The following MYPN variants were observed in gnomAD, a reference collection of about 807,000 sequenced individuals.
MYPN encodes the protein sarcomeric protein myopalladin, 145 kDa (MYOP).
A neutral mutation model predicts 129.4 loss-of-function variants in MYPN; 63 were observed. That is an observed-to-expected ratio of 0.49 (90% CI 0.40 to 0.60). The LOEUF (loss-of-function observed/expected upper bound fraction) is 0.60, where lower values mean the gene tolerates loss of function less well. MYPN is among the 20% of genes least tolerant of loss of function. The pLI, the probability that MYPN is intolerant of heterozygous loss-of-function variation, is 0.00. For synonymous variants in MYPN, 629 were observed against 600.9 expected, an observed-to-expected ratio of 1.05 and a Z score of -0.68; for missense variants, 1,596 against 1,635.4, an observed-to-expected ratio of 0.98 and a Z score of 0.42.
intron 12 of MYPN, among the ~76,000 whole-genome samples, chr10:68,182,408 TATATATAACATATATATAACAC>T (rs1419218314): frequency 0.073 from 6,292 of 86,602 alleles, 667 homozygotes; most frequent in Non-Finnish European, 0.11. Flanking sequence ...ATATAACACA[TATATATAACATATATATAACAC>T]ATATATATAA....
chr10:68,116,402 G>C (rs2042157737), intron 1 of MYPN, among the ~76,000 whole-genome samples: 1 of 152,292 alleles, frequency 6.6e-6, no homozygotes, highest in East Asian at 1.9e-4. Context: ...GACAGATGAG[G>C]TTAACTGAGA....
chr10:68,189,014 C>T lies in MYPN; in HGVS notation c.2813C>T (p.Pro938Leu). ...GATGAAATTCAACATGATGAGATCCCCACGGGCAAGTGTATTGCTCCCATC... is the reference window on the plus strand; with the variant it reads ...GATGAAATTCAACATGATGAGATCCTCACGGGCAAGTGTATTGCTCCCATC... Reference protein sequence around the residue: ...SDDEIQHDEIPTGKCIAPIFD... With the variant: ...SDDEIQHDEILTGKCIAPIFD... Residue 938 changes from proline to leucine, a missense_variant, in exon 13 of 20, where the codon CCC becomes CTC. Coordinates refer to ENST00000358913, the MANE Select transcript of MYPN (RefSeq NM_032578.4). The T allele has an allele frequency of 6.2e-7, 1 of 1,614,040 alleles. No individual in the cohort carries two copies. Among genetic ancestry groups the T allele is most frequent in the South Asian group, 1.1e-5 (1 of 91,080 alleles).
chr10:68,196,823 C>T (rs1301057339), intron 15 of MYPN, among the ~76,000 whole-genome samples: 1 of 152,018 alleles, frequency 6.6e-6, no homozygotes, highest in African/African-American at 2.4e-5. Flanking sequence ...TCTCCTCCTC[C>T]TCCTTTTTTA....
rs775382618 is a variant in MYPN, at chr10:68,161,758, G to A, written c.1483+6G>A. 6 of 1,607,078 alleles carry A rather than the reference G, an allele frequency of 3.7e-6. No individual in the cohort carries two copies. The highest frequency in any genetic ancestry group is 5.1e-6 in the Non-Finnish European group (6 of 1,174,296). ...TCGATCCATGGCAGAGCCAGGTAAAGATGATTTCAACTTTAATTTATTAGT... is the reference window on the plus strand; with the variant it reads ...TCGATCCATGGCAGAGCCAGGTAAAAATGATTTCAACTTTAATTTATTAGT... On this transcript the variant is annotated splice_donor_region_variant and intron_variant, in intron 8 of 19. Coordinates refer to ENST00000358913, the MANE Select transcript of MYPN (RefSeq NM_032578.4).
At chr10:68,164,171 ATTTCT>A (rs2043020579) in intron 8 of MYPN, among the ~76,000 whole-genome samples, 1 of 152,200 alleles carries the variant, frequency 6.6e-6, no homozygotes, top group African/African-American at 2.4e-5. Flanking sequence ...ACAGGGATTT[ATTTCT>A]TACAGTTCTG....
chr10:68,183,208 C>G (rs569830825), intron 12 of MYPN, among the ~76,000 whole-genome samples: 1 of 152,160 alleles, frequency 6.6e-6, no homozygotes, highest in African/African-American at 2.4e-5. Context: ...CGCCTGTAAT[C>G]CCAGAACTTT....
Position 68,150,128 on chromosome 10 carries a change from T to C in MYPN, c.1317+17T>C, listed in dbSNP as rs2042742992. 1.3e-6 allele frequency: 2 copies of C among 1,593,840 alleles called. No homozygotes were observed. Among genetic ancestry groups the C allele is most frequent in the Middle Eastern group, 1.7e-4 (1 of 6,028 alleles). On this transcript the variant is annotated intron_variant, in intron 6 of 19. Coordinates refer to ENST00000358913, the MANE Select transcript of MYPN (RefSeq NM_032578.4). ...TTTACAAAGGTAATAAAAATATTACTTCTTTCTGTCATGGCTTTAAAGATA... is the reference window on the plus strand; with the variant it reads ...TTTACAAAGGTAATAAAAATATTACCTCTTTCTGTCATGGCTTTAAAGATA...
chr10:68,201,780 CAAAAA>C, intron 17 of MYPN, 44 bp from the exon 18 acceptor site: 1 of 1,346,864 alleles, frequency 7.4e-7, no homozygotes. Flanking sequence ...GACTCTGTCT[CAAAAA>C]AAAAAAAAAG....
At chr10:68,175,867 G>A (rs1485172310) in intron 12 of MYPN, among the ~76,000 whole-genome samples, 1 of 152,068 alleles carries the variant, frequency 6.6e-6, no homozygotes, top group Non-Finnish European at 1.5e-5. Context: ...TGTTCCTCTT[G>A]CCTTAGCTTC....
chr10:68,100,744 A>G (rs2041977812), intron 1 of MYPN, among the ~76,000 whole-genome samples: 1 of 152,194 alleles, frequency 6.6e-6, no homozygotes, highest in African/African-American at 2.4e-5. Context: ...CTTTTTCAAA[A>G]GCAAGAATTC....
chr10:68,201,578 C>T (rs1266998326), intron 17 of MYPN, among the ~76,000 whole-genome samples: 1 of 85,538 alleles, frequency 1.2e-5, no homozygotes, highest in Non-Finnish European at 2.2e-5. Context: ...ATCAGCCTGG[C>T]CAACATGACG....
At chr10:68,133,760 G>A (rs1220042596) in intron 2 of MYPN, among the ~76,000 whole-genome samples, 1 of 151,518 alleles carries the variant, frequency 6.6e-6, no homozygotes, top group Non-Finnish European at 1.5e-5. Flanking sequence ...CTTGGGCTGA[G>A]CCACAAGCAC....
rs530535120 is a variant in MYPN at position 68,126,221 on chromosome 10, T to C, written c.902+3881T>C. 2.6e-5 allele frequency among the ~76,000 whole-genome samples: 4 copies of C among 152,278 alleles called. No homozygotes were observed. In the South Asian group the frequency reaches 8.3e-4, roughly 32 times the overall value. On this transcript the variant is annotated intron_variant, in intron 2 of 19. Transcript: ENST00000358913. ...AGGTAGGTGGAAGGAATGGGTCCTT[T>C]CAGGCCAGGTCACTTCAGCATGTTT...
chr10:68,201,595 CT>C lies in MYPN; in HGVS notation c.3494-233del, dbSNP rs57872028. Among the ~76,000 whole-genome samples the C allele has an allele frequency of 1, 151,944 of 152,074 alleles. 75,908 individuals are homozygous for C. Among genetic ancestry groups the C allele is most frequent in the Middle Eastern group, 1 (292 of 292 alleles). On this transcript the variant is annotated intron_variant, in intron 17 of 19. Transcript: ENST00000358913. ...CAGCCTGGCCAACATGACGAAACCC[CT>C]ATCTCTCCTAAAAATACAAAAATTA...
chr10:68,093,749 T>G (rs572028754), intron 1 of MYPN, among the ~76,000 whole-genome samples: 1 of 148,838 alleles, frequency 6.7e-6, no homozygotes, highest in African/African-American at 2.5e-5. Flanking sequence ...AGAGCGAGAC[T>G]CCGTCTCAAA....
At chr10:68,160,435 A>C (rs2042955883) in intron 7 of MYPN, among the ~76,000 whole-genome samples, 2 of 70,680 alleles carry the variant, frequency 2.8e-5, no homozygotes. Context: ...ATCTCAAAAA[A>C]AAAAAAAAAA....
chr10:68,196,360 T>A (rs911157431), intron 15 of MYPN, among the ~76,000 whole-genome samples: 2 of 152,138 alleles, frequency 1.3e-5, no homozygotes, highest in African/African-American at 4.8e-5. Flanking sequence ...CCACGAAGTC[T>A]TAGCAAAGCA....
rs971435971 is a variant in MYPN at position 68,195,631 on chromosome 10, G to A, written c.3158+99G>A. On this transcript the variant is annotated intron_variant, in intron 15 of 19. Transcript: ENST00000358913. ...TGGATCCACAAATTCTTAATTAAAG[G>A]TAGTCCTTCACTTGCAGCACTAGCA... The A allele has an allele frequency of 1.7e-5, 17 of 990,924 alleles. No individual in the cohort carries two copies. In the African/African-American group the frequency reaches 2.5e-4, roughly 15 times the overall value. 61.4% of individuals were successfully genotyped at this position (990,924 alleles called of 1,614,324 possible).
At chr10:68,154,782 G>A (rs2042839034) in intron 6 of MYPN, among the ~76,000 whole-genome samples, 1 of 152,232 alleles carries the variant, frequency 6.6e-6, no homozygotes. Context: ...TATGTTTGTG[G>A]TTATAGATCT....
Sources: allele counts gnomAD v4.1 joint callset (sites outside exome capture counted in the v4.1 genomes callset), GRCh38; gene constraint gnomAD v4.1.1; transcripts MANE v1.5; gene names NCBI Gene and HGNC (gene_info 2026-07-23, HGNC 2026-07-21).